Variants in BRWD3 observed in about 807,000 individuals in gnomAD.
BRWD3 encodes bromodomain and WD repeat domain containing 3, also known as bromodomain and WD repeat-containing protein 3.
In BRWD3, 10 loss-of-function variants were observed where a neutral mutation model predicts 149.7. That is an observed-to-expected ratio of 0.07 (90% CI 0.04 to 0.11). The LOEUF is 0.11. Ranked by LOEUF, BRWD3 falls within the 10% of genes least tolerant of loss-of-function variation. BRWD3 has a pLI of 1.00. For missense variants in BRWD3, 940 were observed against 1,373.2 expected (o/e 0.68, Z 4.99); for synonymous variants, 504 against 456.7 (o/e 1.10, Z -1.32).
intron 14 of BRWD3, among the ~76,000 whole-genome samples, chrX:80,726,339 TTA>T (rs1392121024): frequency 1.3e-5 from 1 of 74,763 alleles, no homozygotes; most frequent in African/African-American, 5.4e-5. Context: ...TGTTTACATG[TTA>T]TGTCTGTATA....
In BRWD3 at chrX:80,744,233, T is replaced by A. The variant is rs139800991; in HGVS notation, c.612A>T (p.Val204=). Residue 204 remains valine, a synonymous_variant, in exon 8 of 41, where the codon GTA becomes GTT. Transcript: ENST00000373275. ...RIFTGSDDCL[V]KIWATDDGRL... is the part of the protein sequence containing the mutation. Reference sequence around the variant, plus strand: ...GTCCATCATCTGTAGCCCAAATTTTTACTAAACAGTCATCTGAACCCTATA... The same window carrying A: ...GTCCATCATCTGTAGCCCAAATTTTAACTAAACAGTCATCTGAACCCTATA... 1.5e-5 allele frequency: 18 copies of A among 1,205,564 alleles called. No individual in the cohort carries two copies. In the African/African-American group the frequency reaches 2.6e-4, roughly 18 times the overall value.
intron 6 of BRWD3, among the ~76,000 whole-genome samples, chrX:80,765,249 A>G (rs1195878330): frequency 8.9e-6 from 1 of 112,065 alleles, no homozygotes; most frequent in Non-Finnish European, 1.9e-5. Flanking sequence ...CTCTGAGTCA[A>G]CAGGCAAAGA....
At chrX:80,741,352 T>C (rs1373270419) in intron 8 of BRWD3, among the ~76,000 whole-genome samples, 1 of 111,987 alleles carries the variant, frequency 8.9e-6, no homozygotes, top group Non-Finnish European at 1.9e-5. Context: ...CTATTGTGAA[T>C]AGTACTGCAA....
At chrX:80,758,624 T>C (rs1012926512) in intron 6 of BRWD3, among the ~76,000 whole-genome samples, 1 of 110,190 alleles carries the variant, frequency 9.1e-6, no homozygotes, top group African/African-American at 3.3e-5. Flanking sequence ...TTCCAGAGAG[T>C]TATCCAGGTT....
At chrX:80,766,735 G>A (rs2073862665) in intron 6 of BRWD3, among the ~76,000 whole-genome samples, 2 of 112,126 alleles carry the variant, frequency 1.8e-5, no homozygotes, top group South Asian at 7.4e-4. Context: ...AACAGAGGTA[G>A]CTGGTTCATT....
At chrX:80,725,490 T>A (rs997395152) in intron 14 of BRWD3, among the ~76,000 whole-genome samples, 8 of 112,359 alleles carry the variant, frequency 7.1e-5, no homozygotes, top group Non-Finnish European at 1.3e-4. Context: ...GTAGGTCCCA[T>A]GATACATTCA....
chrX:80,782,756 T>C (rs976524782), intron 6 of BRWD3, among the ~76,000 whole-genome samples: 2 of 110,164 alleles, frequency 1.8e-5, no homozygotes, highest in African/African-American at 6.6e-5. Context: ...ATATTTTAAT[T>C]ATCCAGAAGT....
chrX:80,751,252 A>C (rs2073663551), intron 6 of BRWD3, among the ~76,000 whole-genome samples: 1 of 111,970 alleles, frequency 8.9e-6, no homozygotes, highest in Admixed American at 9.5e-5. Flanking sequence ...ATAGATTTGT[A>C]ATGTTCTCAC....
At chrX:80,771,141 C>T (rs989862683) in intron 6 of BRWD3, among the ~76,000 whole-genome samples, 3 of 111,506 alleles carry the variant, frequency 2.7e-5, no homozygotes, top group African/African-American at 6.5e-5. Flanking sequence ...CTCATGAATA[C>T]GAAGAATCAG....
chrX:80,780,423 C>T (rs1197411177), intron 6 of BRWD3, among the ~76,000 whole-genome samples: 1 of 110,860 alleles, frequency 9.0e-6, no homozygotes, highest in African/African-American at 3.3e-5. Flanking sequence ...AATTATTAAT[C>T]CTAATATTAC....
At chrX:80,711,193 TTAA>T (rs1460560889) in intron 20 of BRWD3, among the ~76,000 whole-genome samples, 1 of 111,804 alleles carries the variant, frequency 8.9e-6, no homozygotes, top group Non-Finnish European at 1.9e-5. Context: ...ATAAGTGGAT[TTAA>T]TAATCTATAC....
intron 6 of BRWD3, among the ~76,000 whole-genome samples, chrX:80,778,696 A>C (rs2074023693): frequency 8.9e-6 from 1 of 112,658 alleles, no homozygotes; most frequent in Admixed American, 9.4e-5. Context: ...GGTCAACATT[A>C]GTTTTATTTT....
At chrX:80,725,925 CAT>C (rs759042186) in intron 14 of BRWD3, among the ~76,000 whole-genome samples, 7 of 110,628 alleles carry the variant, frequency 6.3e-5, no homozygotes, top group Non-Finnish European at 1.1e-4. Flanking sequence ...GCCTATATGA[CAT>C]AACTTGTTTA....
At chrX:80,698,991 T>A (rs1245788282) in intron 25 of BRWD3, among the ~76,000 whole-genome samples, 3 of 110,602 alleles carry the variant, frequency 2.7e-5, no homozygotes, top group Admixed American at 9.7e-5. Context: ...GGTGGGTGGA[T>A]CACCCTGAGG....
Position 80,701,545 on chromosome X carries a change from C to CAA in BRWD3, c.2836-1483_2836-1482dup, listed in dbSNP as rs140140883. Among the ~76,000 whole-genome samples, 17 of 24,183 alleles carry CAA rather than the reference C, an allele frequency of 7.0e-4. 2 individuals are homozygous for CAA. Among genetic ancestry groups the CAA allele is most frequent in the African/African-American group, 2.8e-3 (16 of 5,668 alleles). The allele number at this position is 24,183 out of a possible 115,157, so 21.0% of individuals were successfully genotyped here. A position where few individuals can be genotyped will look rare whatever the true frequency, so the allele number is the denominator to read the frequency against. ...GCCTGGGCAACAGAGCGAGACTCGTCAAAAAAAAAAAAAAAAAAAAAAAAA... is the reference window on the plus strand; with the variant it reads ...GCCTGGGCAACAGAGCGAGACTCGTCAAAAAAAAAAAAAAAAAAAAAAAAAAA... On this transcript the variant is annotated intron_variant, in intron 24 of 40. Coordinates refer to ENST00000373275, the MANE Select transcript of BRWD3 (RefSeq NM_153252.5).
chrX:80,735,844 C>T, intron 9 of BRWD3, 144 bp downstream of exon 9: 1 of 347,673 alleles, frequency 2.9e-6, no homozygotes, highest in Non-Finnish European at 5.0e-6. Flanking sequence ...CTCTTAACAA[C>T]CTATTGAAGT....
At chrX:80,680,143 CTAA>C in intron 40 of BRWD3, among the ~76,000 whole-genome samples, 1 of 111,953 alleles carries the variant, frequency 8.9e-6, no homozygotes, top group East Asian at 2.8e-4. Flanking sequence ...AATCTATATT[CTAA>C]TAAAATTATT....
intron 21 of BRWD3, 93 bp downstream of exon 21, chrX:80,709,334 AT>A (rs1330507939): frequency 7.5e-6 from 5 of 665,801 alleles, no homozygotes; most frequent in Non-Finnish European, 1.1e-5. Flanking sequence ...AATTAAAATA[AT>A]TTTCTATTAA....
At chrX:80,766,530 T>G (rs1395693374) in intron 6 of BRWD3, among the ~76,000 whole-genome samples, 2 of 111,882 alleles carry the variant, frequency 1.8e-5, no homozygotes, top group East Asian at 5.6e-4. Flanking sequence ...ATAAAAAACT[T>G]TGACAACACC....
Sources: gnomAD v4.1 joint callset for allele counts (sites outside exome capture counted in the v4.1 genomes callset) on GRCh38, gnomAD v4.1.1 for gene constraint, MANE v1.5 for transcripts, NCBI Gene and HGNC (gene_info 2026-07-23, HGNC 2026-07-21) for gene names.